MED19: variants seen among roughly 807,000 people sequenced by gnomAD.
The protein encoded by MED19 is mediator of RNA polymerase II transcription subunit 19.
MED19 carries 4 observed loss-of-function variants against 19.9 expected under a neutral mutation model. The observed-to-expected ratio is 0.20, with a 90% CI of 0.10 to 0.46. The LOEUF is 0.46. Ranked by LOEUF, MED19 falls within the 20% of genes least tolerant of loss-of-function variation. The probability of loss-of-function intolerance (pLI) is 0.99; values close to 1 mark genes in which losing one functional copy is unlikely to be tolerated. For missense variants in MED19, 303 were observed against 318.7 expected, an observed-to-expected ratio of 0.95 and a Z score of 0.38; for synonymous variants, 139 against 119.6, an observed-to-expected ratio of 1.16 and a Z score of -1.06.
exon 1 of MED19, chr11:57,712,010 T>G: frequency 6.5e-7 from 1 of 1,531,232 alleles, no homozygotes; most frequent in African/African-American, 1.4e-5. Context: ...AGCTCCTGAC[T>G]TGTCCGCGCC....
In MED19 at chr11:57,712,180, C is replaced by T. The variant is rs777610055; in HGVS notation, c.-1G>A. The stretch of plus-strand genomic sequence containing the variant: ...CAAACAGTGCCGTGAAATTCTCCAT[C>T]GTACCCTCCGCCCCGGCGCTGTCTC... On this transcript the variant is annotated 5_prime_UTR_variant, in exon 1 of 5. Coordinates refer to ENST00000431606, the Ensembl canonical transcript of MED19. 6.6e-6 allele frequency: 10 copies of T among 1,520,144 alleles called. No individual in the cohort carries two copies. In the South Asian group the frequency reaches 1.2e-4, roughly 19 times the overall value. The allele number at this position is 1,520,144 out of a possible 1,614,324, so 94.2% of individuals were successfully genotyped here.
At chr11:57,704,546 T>C in intron 3 of MED19, 150 bp from the exon 4 acceptor site, 1 of 1,585,172 alleles carries the variant, frequency 6.3e-7, no homozygotes, top group South Asian at 1.2e-5. Context: ...AGAGTCCCTG[T>C]CCCAAGTCCC....
At chr11:57,704,142 A>T in intron 4 of MED19, 36 bp from the exon 5 acceptor site, 1 of 1,535,964 alleles carries the variant, frequency 6.5e-7, no homozygotes, top group Non-Finnish European at 8.7e-7. Context: ...AACAACTAGG[A>T]ACTAGCCTTG....
chr11:57,711,268 A>T (rs1946590338), intron 1 of MED19, among the ~76,000 whole-genome samples: 1 of 152,216 alleles, frequency 6.6e-6, no homozygotes, highest in African/African-American at 2.4e-5. Context: ...CTTGCCCCAA[A>T]CCAATAGCAA....
intron 3 of MED19, 36 bp downstream of exon 3, chr11:57,704,683 T>G (rs756944975): frequency 1.4e-5 from 22 of 1,567,340 alleles, no homozygotes; most frequent in South Asian, 3.6e-5. Flanking sequence ...TTTTTTTTTT[T>G]TTTTTTTTTT....
At chr11:57,710,520 C>A (rs1946554726) in intron 1 of MED19, among the ~76,000 whole-genome samples, 1 of 152,234 alleles carries the variant, frequency 6.6e-6, no homozygotes, top group African/African-American at 2.4e-5. Context: ...TTCTGTCCCT[C>A]AGATATTCTA....
At chr11:57,705,183 G>A in exon 2 of MED19, 1 of 1,614,212 alleles carries the variant, frequency 6.2e-7, no homozygotes, top group Non-Finnish European at 8.5e-7. Flanking sequence ...CTTGTTCCAA[G>A]TTGTAGTGTG....
chr11:57,711,898 G>C (rs2135424810), intron 1 of MED19, 65 bp downstream of exon 1: 6 of 1,377,700 alleles, frequency 4.4e-6, no homozygotes, highest in Middle Eastern at 2.1e-4. Context: ...AGCCGGCTGA[G>C]AGCCACGCCC....
chr11:57,711,480 A>G (rs1417931027), intron 1 of MED19, among the ~76,000 whole-genome samples: 1 of 151,872 alleles, frequency 6.6e-6, no homozygotes, highest in East Asian at 1.9e-4. Context: ...CAGCCTCCCG[A>G]GTAGCTGGAA....
chr11:57,704,698 T>TTTATA, intron 3 of MED19, 21 bp downstream of exon 3: 1 of 1,573,014 alleles, frequency 6.4e-7, no homozygotes, highest in Non-Finnish European at 8.6e-7. Context: ...TTTTTTTGCT[T>TTTATA]TGAATAGAAC....
intron 3 of MED19, 52 bp from the exon 4 acceptor site, chr11:57,704,448 G>A (rs1328965216): frequency 4.0e-6 from 6 of 1,514,092 alleles, no homozygotes; most frequent in Non-Finnish European, 5.3e-6. Context: ...ATCCTCTACT[G>A]TTATGAACCA....
chr11:57,705,610 C>T (rs1484503543), intron 1 of MED19, among the ~76,000 whole-genome samples: 3 of 149,782 alleles, frequency 2.0e-5, no homozygotes, highest in Admixed American at 6.7e-5. Flanking sequence ...GCTGAGATTG[C>T]GCCACTGCAC....
At chr11:57,704,144 C>T in intron 4 of MED19, 38 bp from the exon 5 acceptor site, 3 of 1,535,782 alleles carry the variant, frequency 2.0e-6, no homozygotes, top group Non-Finnish European at 2.6e-6. Context: ...CAACTAGGAA[C>T]TAGCCTTGGC....
intron 4 of MED19, 55 bp from the exon 5 acceptor site, chr11:57,704,161 C>A: frequency 6.5e-7 from 1 of 1,534,016 alleles, no homozygotes; most frequent in South Asian, 1.2e-5. Flanking sequence ...TGGCTTTGAT[C>A]AGGCTGTACA....
At chr11:57,710,378 A>T (rs925919054) in intron 1 of MED19, among the ~76,000 whole-genome samples, 7 of 152,208 alleles carry the variant, frequency 4.6e-5, no homozygotes, top group Non-Finnish European at 8.8e-5. Flanking sequence ...AAAATTTTTT[A>T]AATGGCTTCC....
rs147514975 is a variant in MED19, at chr11:57,705,062, A to C, written c.385T>G (p.Ser129Ala). The change falls in exon 2 of 5, where the codon TCT (serine) becomes GCT (alanine). Residue 129 changes from serine to alanine, a missense_variant. By Grantham distance (99) the Ser-to-Ala change is moderately conservative. This residue lies in a region of MED19 where 274 missense variants were observed against 259.2 expected (regional missense o/e 1.06). Coordinates refer to ENST00000431606, the Ensembl canonical transcript of MED19. ...AGAATAGGGGGCTTCTCAATGAGAG[A>C]GCGGAGGCTGCTGTTATCATGGGAA... 112 of 1,614,062 alleles carry C rather than the reference A, an allele frequency of 6.9e-5. No homozygotes were observed. Among genetic ancestry groups the C allele is most frequent in the Middle Eastern group, 6.6e-4 (4 of 6,084 alleles).
Position 57,704,703 on chromosome 11 carries a change from TAGAACTGC to T in MED19, c.571+8_571+15del. 1 of 1,151,344 alleles carries T rather than the reference TAGAACTGC, an allele frequency of 8.7e-7. No homozygotes were observed. The allele number at this position is 1,151,344 out of a possible 1,614,324, so 71.3% of individuals were successfully genotyped here. A position where few individuals can be genotyped will look rare whatever the true frequency, so the allele number is the denominator to read the frequency against. ...TTTTTTTTTTTTTTTTTGCTTTGAA[TAGAACTGC>T]TTCTTACCTGGGGGGACAGGATCCT... On this transcript the variant is annotated splice_region_variant and intron_variant, in intron 3 of 4. Coordinates refer to ENST00000431606, the Ensembl canonical transcript of MED19.
At chr11:57,710,133 G>T (rs748792779) in intron 1 of MED19, among the ~76,000 whole-genome samples, 1 of 152,202 alleles carries the variant, frequency 6.6e-6, no homozygotes, top group African/African-American at 2.4e-5. Flanking sequence ...AGGCCAAGGC[G>T]GGAGGACTGC....
exon 2 of MED19, chr11:57,705,069 G>A: frequency 6.2e-7 from 1 of 1,614,170 alleles, no homozygotes; most frequent in Non-Finnish European, 8.5e-7. Context: ...GAGAGCGGAG[G>A]CTGCTGTTAT....
Sources: allele counts gnomAD v4.1 joint callset (sites outside exome capture counted in the v4.1 genomes callset), GRCh38; gene constraint gnomAD v4.1.1; regional missense constraint gnomAD v4.1.1; transcripts MANE v1.5; gene names NCBI Gene and HGNC (gene_info 2026-07-23, HGNC 2026-07-21).